CELSR1: variants seen among roughly 807,000 people sequenced by gnomAD.
The protein encoded by CELSR1 is adhesion G protein-coupled receptor C1.
CELSR1 carries 110 observed loss-of-function variants against 249.1 expected under a neutral mutation model. The observed-to-expected ratio is 0.44, with a 90% CI of 0.38 to 0.52. The LOEUF (loss-of-function observed/expected upper bound fraction) is 0.52, where lower values mean the gene tolerates loss of function less well. Among genes scored for constraint, CELSR1 ranks in the 20% least tolerant of loss-of-function variants. CELSR1 has a pLI of 0.00. For missense variants in CELSR1, 4,109 were observed against 4,296.4 expected, an observed-to-expected ratio of 0.96 and a Z score of 1.22; for synonymous variants, 2,113 against 1,900.0, an observed-to-expected ratio of 1.11 and a Z score of -2.92.
chr22:46,400,889 T>A (rs535634506), intron 9 of CELSR1, among the ~76,000 whole-genome samples: 12 of 151,840 alleles, frequency 7.9e-5, no homozygotes, highest in Admixed American at 3.9e-4. Flanking sequence ...GAGGCAGAGG[T>A]TGCAGTGAGC....
At chr22:46,368,915 G>A (rs1188091139) in intron 27 of CELSR1, among the ~76,000 whole-genome samples, 1 of 151,910 alleles carries the variant, frequency 6.6e-6, no homozygotes, top group Non-Finnish European at 1.5e-5. Flanking sequence ...TGTGCCAGGC[G>A]GGAGGGACTG....
At position 46,433,382 on chromosome 22, in the gene CELSR1, G is replaced by T; in HGVS notation, c.4611+11C>A. 1 of 1,609,400 alleles carries T rather than the reference G, an allele frequency of 6.2e-7. No homozygotes were observed. Among genetic ancestry groups the T allele is most frequent in the Non-Finnish European group, 8.5e-7 (1 of 1,176,500 alleles). ...CCTGGGGCCAGGGGGAAGTGGTGGGGCCCATCTTACCTTGTTGTAGTACTG... is the reference window on the plus strand; with the variant it reads ...CCTGGGGCCAGGGGGAAGTGGTGGGTCCCATCTTACCTTGTTGTAGTACTG... On this transcript the variant is annotated intron_variant, in intron 5 of 34. Coordinates refer to ENST00000674500, the MANE Select transcript of CELSR1 (RefSeq NM_001378328.1). This position sits in a 1 kb window ranked among gnomAD's most constrained non-coding sequence, Gnocchi z 5.7.
chr22:46,386,305 G>A (rs1027530870), intron 19 of CELSR1, 97 bp downstream of exon 19: 14 of 1,323,938 alleles, frequency 1.1e-5, no homozygotes, highest in Non-Finnish European at 1.4e-5. Flanking sequence ...GCCAAGGGGG[G>A]GCCGGGAGCC....
chr22:46,472,666 A>G lies in CELSR1; in HGVS notation c.3545-8321T>C, dbSNP rs1014590389. ...CGGAGCAAAGGGCCGCCGCTGCATC[A>G]CCAATACAGGACATTCACTCTCTCC... On this transcript the variant is annotated intron_variant, in intron 1 of 34. Transcript: ENST00000674500. The surrounding 1 kb of genome is among the most constrained non-coding windows in gnomAD (Gnocchi z 7.0). Among the ~76,000 whole-genome samples the G allele has an allele frequency of 1.3e-5, 2 of 152,172 alleles. No individual in the cohort carries two copies. Among genetic ancestry groups the G allele is most frequent in the African/African-American group, 4.8e-5 (2 of 41,438 alleles).
Position 46,391,875 on chromosome 22 carries a change from C to CA in CELSR1, c.5965-60dup. 1 of 1,539,156 alleles carries CA rather than the reference C, an allele frequency of 6.5e-7. No homozygotes were observed. Among genetic ancestry groups the CA allele is most frequent in the East Asian group, 2.3e-5 (1 of 43,184 alleles). On this transcript the variant is annotated intron_variant, in intron 14 of 34. Transcript: ENST00000674500. The surrounding 1 kb of genome is among the most constrained non-coding windows in gnomAD (Gnocchi z 4.3). ...GATGCCCGGGAGAGGCCCTACCTTG[C>CA]AGCGTGTTTCCCGAGCGACGTCCAG...
rs1182235608 is a variant in CELSR1 at position 46,428,631 on chromosome 22, T to G, written c.4611+4762A>C. Reference sequence around the variant, plus strand: ...TCTAGTGACCAGAGGTCAGGAATGCTGCCCAGAACAGGCCTCACAATGAAG... The same window carrying G: ...TCTAGTGACCAGAGGTCAGGAATGCGGCCCAGAACAGGCCTCACAATGAAG... On this transcript the variant is annotated intron_variant, in intron 5 of 34. Coordinates refer to ENST00000674500, the MANE Select transcript of CELSR1 (RefSeq NM_001378328.1). This position sits in a 1 kb window ranked among gnomAD's most constrained non-coding sequence, Gnocchi z 5.7. Among the ~76,000 whole-genome samples the G allele has an allele frequency of 6.6e-6, 1 of 152,228 alleles. No homozygotes were observed.
At position 46,408,312 on chromosome 22, in the gene CELSR1, T is replaced by A. The variant is rs189773000; in HGVS notation, c.5226+684A>T. Among the ~76,000 whole-genome samples the A allele has an allele frequency of 4.3e-4, 66 of 152,332 alleles. No individual in the cohort carries two copies. The Middle Eastern group carries it at 0.017, about 39-fold the overall frequency. The stretch of plus-strand genomic sequence containing the variant: ...CTCAAGCTCCCAGAGAAAGTGGACG[T>A]GCATTGGTGCCAACCACCACCTGGC... On this transcript the variant is annotated intron_variant, in intron 9 of 34. Coordinates refer to ENST00000674500, the MANE Select transcript of CELSR1 (RefSeq NM_001378328.1). This position sits in a 1 kb window ranked among gnomAD's most constrained non-coding sequence, Gnocchi z 4.6.
intron 2 of CELSR1, among the ~76,000 whole-genome samples, chr22:46,460,205 A>ACCCACACCCACACC (rs146876401): frequency 5.9e-5 from 8 of 134,478 alleles, no homozygotes; most frequent in Middle Eastern, 3.4e-3. Context: ...ACACACACAC[A>ACCCACACCCACACC]CACACACACA....
chr22:46,436,383 C>G lies in CELSR1; in HGVS notation c.4407-94G>C. 1 of 781,966 alleles carries G rather than the reference C, an allele frequency of 1.3e-6. No homozygotes were observed. The highest frequency in any genetic ancestry group is 1.6e-5 in the South Asian group (1 of 63,172). 48.4% of individuals were successfully genotyped at this position (781,966 alleles called of 1,614,324 possible). A position where few individuals can be genotyped will look rare whatever the true frequency, so the allele number is the denominator to read the frequency against. On this transcript the variant is annotated intron_variant, in intron 3 of 34. Coordinates refer to ENST00000674500, the MANE Select transcript of CELSR1 (RefSeq NM_001378328.1). The surrounding 1 kb of genome is among the most constrained non-coding windows in gnomAD (Gnocchi z 5.9). Reference sequence around the variant, plus strand: ...AAGTCCAGCCGGAGGAGGGCAAGCACGTGGGGCTACGATTCAGGAAAGAAT... The same window carrying G: ...AAGTCCAGCCGGAGGAGGGCAAGCAGGTGGGGCTACGATTCAGGAAAGAAT...
In CELSR1 at chr22:46,535,133, C is replaced by G. The variant is rs751972054; in HGVS notation, c.2038G>C (p.Val680Leu). 6.2e-7 allele frequency: 1 copy of G among 1,610,722 alleles called. No homozygotes were observed. Among genetic ancestry groups the G allele is most frequent in the Non-Finnish European group, 8.5e-7 (1 of 1,179,660 alleles). Residue 680 changes from valine (V) to leucine (L), a missense_variant, in exon 1 of 35, where the codon GTG becomes CTG. Transcript: ENST00000674500. ...GTGAACACCGGGTCGTTGTCATTCA[C>G]GTCCAGCACCGTGATGGACACGCTG... ...STSVSITVLDVNDNDPVFTQP... is the reference protein window; with the variant it reads ...STSVSITVLDLNDNDPVFTQP...
At position 46,518,735 on chromosome 22, in the gene CELSR1, T is replaced by C. The variant is rs1044767065; in HGVS notation, c.3544+14892A>G. ...TGTGTGTCTGTCTCTGTCTTCTCTC[T>C]TATAAAGACTCCAGTTGTGGCTGGG... On this transcript the variant is annotated intron_variant, in intron 1 of 34. Coordinates refer to ENST00000674500, the MANE Select transcript of CELSR1 (RefSeq NM_001378328.1). The surrounding 1 kb of genome is among the most constrained non-coding windows in gnomAD (Gnocchi z 5.2). Among the ~76,000 whole-genome samples the C allele has an allele frequency of 2.0e-5, 3 of 152,136 alleles. No homozygotes were observed. The highest frequency in any genetic ancestry group is 7.2e-5 in the African/African-American group (3 of 41,422).
intron 1 of CELSR1, among the ~76,000 whole-genome samples, chr22:46,510,698 C>A (rs569482125): frequency 1.3e-5 from 2 of 152,338 alleles, no homozygotes; most frequent in African/African-American, 4.8e-5. Context: ...CTCCTTTATG[C>A]CTTTTGGTAC....
chr22:46,363,407 C>T lies in CELSR1; in HGVS notation c.9036-160G>A, dbSNP rs1286168374. 3.3e-6 allele frequency: 2 copies of T among 607,744 alleles called. No individual in the cohort carries two copies. The highest frequency in any genetic ancestry group is 2.9e-5 in the East Asian group (1 of 34,918). 37.6% of individuals were successfully genotyped at this position (607,744 alleles called of 1,614,324 possible). Reference sequence around the variant, plus strand: ...GCAAGCTCATGTTGGATGAGGCTGCCCTTGGGAGGCAGGAGAGGGGACCAG... The same window carrying T: ...GCAAGCTCATGTTGGATGAGGCTGCTCTTGGGAGGCAGGAGAGGGGACCAG... On this transcript the variant is annotated intron_variant, in intron 34 of 34. Transcript: ENST00000674500. The surrounding 1 kb of genome is among the most constrained non-coding windows in gnomAD (Gnocchi z 4.3).
At chr22:46,496,225 CT>C (rs2080412447) in intron 1 of CELSR1, among the ~76,000 whole-genome samples, 1 of 149,228 alleles carries the variant, frequency 6.7e-6, no homozygotes, top group Non-Finnish European at 1.5e-5. Context: ...AAAATTGACT[CT>C]TTTGTAACAA....
chr22:46,535,639 G>C lies in CELSR1; in HGVS notation c.1532C>G (p.Ser511Trp). The C allele has an allele frequency of 1.9e-6, 3 of 1,613,374 alleles. No individual in the cohort carries two copies. Among genetic ancestry groups the C allele is most frequent in the South Asian group, 1.1e-5 (1 of 91,086 alleles). ...GNVAGQFYLH[S>W]LSGILDVINP... is the part of the protein sequence containing the mutation. ...GATCACATCCAGGATCCCGCTCAGC[G>C]AGTGCAGGTAGAACTGGCCGGCCAC... The change falls in exon 1 of 35, where the codon TCG becomes TGG. Residue 511 changes from serine (S) to tryptophan (W), a missense_variant. By Grantham distance (177) the Ser-to-Trp change is radical. Transcript: ENST00000674500.
intron 23 of CELSR1, 39 bp downstream of exon 23, chr22:46,378,552 T>TTA: frequency 6.6e-7 from 1 of 1,526,684 alleles, no homozygotes; most frequent in South Asian, 1.2e-5. Context: ...GGTTTGGCGG[T>TTA]AGGCCCAGAG....
rs759520326 is a variant in CELSR1 at position 46,468,617 on chromosome 22, C to G, written c.3545-4272G>C. 2.0e-5 allele frequency among the ~76,000 whole-genome samples: 3 copies of G among 151,974 alleles called. No individual in the cohort carries two copies. Among genetic ancestry groups the G allele is most frequent in the Non-Finnish European group, 2.9e-5 (2 of 68,000 alleles). The stretch of plus-strand genomic sequence containing the variant: ...ACGGGTGGGGAGGCAGATTGGGGAG[C>G]TGTTGTTTAGTGGGTGTGGGGTTTC... On this transcript the variant is annotated intron_variant, in intron 1 of 34. Transcript: ENST00000674500. This position sits in a 1 kb window ranked among gnomAD's most constrained non-coding sequence, Gnocchi z 4.5.
rs1569137445 is a variant in CELSR1, at chr22:46,402,307, C to T, written c.5227-2405G>A. Among the ~76,000 whole-genome samples the T allele has an allele frequency of 6.6e-6, 1 of 151,794 alleles. No homozygotes were observed. The highest frequency in any genetic ancestry group is 1.5e-5 in the Non-Finnish European group (1 of 67,990). ...TCTCAGCTCACTGTAAACTCCACCT[C>T]CCAGGTTCAAGTGATTCTCCTGCCT... On this transcript the variant is annotated intron_variant, in intron 9 of 34. Transcript: ENST00000674500. This position sits in a 1 kb window ranked among gnomAD's most constrained non-coding sequence, Gnocchi z 5.0.
chr22:46,397,332 G>C (rs2079159632), intron 12 of CELSR1, among the ~76,000 whole-genome samples: 1 of 144,936 alleles, frequency 6.9e-6, no homozygotes, highest in South Asian at 2.2e-4. Flanking sequence ...ATGTTGCCTG[G>C]CTGGTCTTGA....
Sources: gnomAD v4.1 joint callset for allele counts (sites outside exome capture counted in the v4.1 genomes callset) on GRCh38, gnomAD v4.1.1 for gene constraint, Gnocchi (gnomAD v3.1) non-coding constraint, MANE v1.5 for transcripts, NCBI Gene and HGNC (gene_info 2026-07-23, HGNC 2026-07-21) for gene names.